Variants in CD36 observed in about 807,000 individuals in gnomAD.
CD36 encodes platelet glycoprotein 4.
In CD36, 119 loss-of-function variants were observed where a neutral mutation model predicts 55.2. The observed-to-expected ratio is 2.15, with a 90% confidence interval of 1.86 to 2.51. CD36 has a LOEUF of 2.51. CD36 is among the 30% of genes most tolerant of loss of function. The probability of loss-of-function intolerance (pLI) is 0.00; values close to 1 mark genes in which losing one functional copy is unlikely to be tolerated. For synonymous variants in CD36, 186 were observed against 193.6 expected (o/e 0.96, Z 0.33); for missense variants, 819 against 555.5 (o/e 1.47, Z -4.77).
chr7:80,672,309 A>G (rs1797769112), intron 11 of CD36, among the ~76,000 whole-genome samples: 1 of 151,828 alleles, frequency 6.6e-6, no homozygotes, highest in African/African-American at 2.4e-5. Context: ...GAGTTTGACT[A>G]TACTTATTGT....
At chr7:80,614,384 T>G (rs1793033043) in intron 1 of CD36, among the ~76,000 whole-genome samples, 1 of 152,304 alleles carries the variant, frequency 6.6e-6, no homozygotes, top group Non-Finnish European at 1.5e-5. Flanking sequence ...AATGTATTTA[T>G]ATTTTATACA....
At chr7:80,603,851 A>G (rs1386590781) in intron 1 of CD36, among the ~76,000 whole-genome samples, 1 of 151,890 alleles carries the variant, frequency 6.6e-6, no homozygotes, top group Non-Finnish European at 1.5e-5. Context: ...GGATGATTAA[A>G]TGGAAGGAAA....
At chr7:80,653,864 A>C (rs973606115) in intron 3 of CD36, among the ~76,000 whole-genome samples, 3 of 152,136 alleles carry the variant, frequency 2.0e-5, no homozygotes, top group African/African-American at 7.2e-5. Flanking sequence ...ATTTTTCTCT[A>C]TGTCTCTAAA....
At chr7:80,628,044 A>C (rs1793847798) in intron 1 of CD36, among the ~76,000 whole-genome samples, 1 of 152,016 alleles carries the variant, frequency 6.6e-6, no homozygotes, top group Admixed American at 6.6e-5. Flanking sequence ...ATGTCTATTA[A>C]ACATAAAAAA....
intron 1 of CD36, among the ~76,000 whole-genome samples, chr7:80,643,421 G>C (rs1794947329): frequency 6.6e-6 from 1 of 152,126 alleles, no homozygotes; most frequent in Non-Finnish European, 1.5e-5. Context: ...TTTCCAGAGA[G>C]ATAACTTAAT....
intron 3 of CD36, among the ~76,000 whole-genome samples, chr7:80,649,782 A>G (rs1244455747): frequency 6.6e-6 from 1 of 152,066 alleles, no homozygotes; most frequent in East Asian, 1.9e-4. Flanking sequence ...AAAGCAGAAG[A>G]ATTATTACAG....
chr7:80,636,198 TG>T (rs1266384938), upstream of CD36, among the ~76,000 whole-genome samples: 6 of 151,882 alleles, frequency 4.0e-5, no homozygotes, highest in African/African-American at 1.5e-4. Context: ...TTGTAGGAAG[TG>T]GGGGTGATGA....
intron 3 of CD36, among the ~76,000 whole-genome samples, chr7:80,647,762 G>C (rs1454051485): frequency 2.0e-5 from 3 of 152,152 alleles, no homozygotes; most frequent in Non-Finnish European, 4.4e-5. Context: ...CTGTGAACTA[G>C]ACTGTGTGTT....
At chr7:80,651,899 AC>A (rs894014955) in intron 3 of CD36, among the ~76,000 whole-genome samples, 2 of 152,196 alleles carry the variant, frequency 1.3e-5, no homozygotes, top group South Asian at 2.1e-4. Flanking sequence ...ACAAAGTGAG[AC>A]CCTGTCTCCC....
At position 80,629,083 on chromosome 7, in the gene CD36, T is replaced by C. The variant is rs185697401; in HGVS notation, c.-183-17005T>C. 2.6e-3 allele frequency among the ~76,000 whole-genome samples: 400 copies of C among 152,174 alleles called. 2 individuals carry two copies. Among genetic ancestry groups the C allele is most frequent in the African/African-American group, 8.9e-3 (368 of 41,546 alleles). On this transcript the variant is annotated intron_variant, in intron 1 of 13. Transcript: ENST00000309881. ...TTGGGGTCCCAAGATTTATTCTCCC[T>C]TCACAAACCTAAATTAGCTGAATCA...
intron 1 of CD36, among the ~76,000 whole-genome samples, chr7:80,626,581 T>A (rs2115995430): frequency 6.6e-6 from 1 of 152,230 alleles, no homozygotes; most frequent in South Asian, 2.1e-4. Flanking sequence ...TAAATTTATG[T>A]ATGTATAGTA....
chr7:80,634,576 C>A (rs1794274216), upstream of CD36, among the ~76,000 whole-genome samples: 1 of 151,998 alleles, frequency 6.6e-6, no homozygotes, highest in Admixed American at 6.6e-5. Context: ...GCCTAGTTCA[C>A]AAATCCTATT....
At chr7:80,613,199 C>T (rs1185834633) in intron 1 of CD36, among the ~76,000 whole-genome samples, 1 of 151,932 alleles carries the variant, frequency 6.6e-6, no homozygotes, top group Non-Finnish European at 1.5e-5. Flanking sequence ...GTATTACTTT[C>T]TTTACATTAT....
At chr7:80,641,960 A>T (rs201356465) in intron 1 of CD36, among the ~76,000 whole-genome samples, 1 of 151,520 alleles carries the variant, frequency 6.6e-6, no homozygotes, top group East Asian at 1.9e-4. Context: ...AAAAAAAGTT[A>T]TATTTTTCCT....
chr7:80,630,221 G>A (rs917983877), intron 1 of CD36, among the ~76,000 whole-genome samples: 1 of 151,942 alleles, frequency 6.6e-6, no homozygotes, highest in South Asian at 2.1e-4. Context: ...AACTGTCATC[G>A]GGGTGGTATG....
chr7:80,626,794 A>G (rs931215018), intron 1 of CD36, among the ~76,000 whole-genome samples: 2 of 151,962 alleles, frequency 1.3e-5, no homozygotes, highest in Non-Finnish European at 2.9e-5. Context: ...TTGTTTGAGT[A>G]TTTGTTCCCT....
At position 80,672,833 on chromosome 7, in the gene CD36, G is replaced by GA. The variant is rs753754773; in HGVS notation, c.1195dup (p.Ile399AsnfsTer19). ...GGTCAACCTATTGGTCAAGCCATCA[G>GA]AAAAAATTCAGTGAGTCTCTTGAAA... On this transcript the variant is annotated frameshift_variant, in exon 12 of 15. Coordinates refer to ENST00000447544, the MANE Select transcript of CD36 (RefSeq NM_001001548.3). LOFTEE classifies it high-confidence loss of function. 8.1e-6 allele frequency: 13 copies of GA among 1,609,276 alleles called. No individual in the cohort carries two copies. The highest frequency in any genetic ancestry group is 5.0e-5 in the Admixed American group (3 of 59,818).
intron 1 of CD36, among the ~76,000 whole-genome samples, chr7:80,609,195 T>C (rs1161456707): frequency 6.6e-6 from 1 of 152,216 alleles, no homozygotes; most frequent in Non-Finnish European, 1.5e-5. Flanking sequence ...TTCACGTTTG[T>C]GGTCATTTGT....
At chr7:80,658,733 C>T (rs1796284604) in intron 4 of CD36, among the ~76,000 whole-genome samples, 1 of 152,118 alleles carries the variant, frequency 6.6e-6, no homozygotes, top group African/African-American at 2.4e-5. Flanking sequence ...TGGGCTCAAG[C>T]AATCTATGTG....
Sources: gnomAD v4.1 joint callset for allele counts (sites outside exome capture counted in the v4.1 genomes callset) on GRCh38, gnomAD v4.1.1 for gene constraint, MANE v1.5 for transcripts, NCBI Gene and HGNC (gene_info 2026-07-23, HGNC 2026-07-21) for gene names.